The following RBM47 variants were observed in gnomAD, a reference collection of about 807,000 sequenced individuals.
RBM47 encodes RNA binding motif protein 47, also known as RNA-binding protein 47.
RBM47 carries 21 observed loss-of-function variants against 47.1 expected under a neutral mutation model. The ratio of observed to expected loss-of-function variants is 0.45; its 90% CI spans 0.32 to 0.64. The LOEUF is 0.64. Among genes scored for constraint, RBM47 ranks in the 30% least tolerant of loss-of-function variants. RBM47 has a pLI of 0.05. For missense variants in RBM47, 708 were observed against 870.9 expected, an observed-to-expected ratio of 0.81 and a Z score of 2.35; for synonymous variants, 375 against 361.7, an observed-to-expected ratio of 1.04 and a Z score of -0.42.
intron 1 of RBM47, among the ~76,000 whole-genome samples, chr4:40,602,173 C>A (rs1314310567): frequency 1.3e-5 from 2 of 149,380 alleles, no homozygotes; most frequent in South Asian, 4.2e-4. Context: ...AAGACTCCAT[C>A]GAGAAAAAGA....
At chr4:40,460,007 C>T (rs1209032578) in intron 3 of RBM47, among the ~76,000 whole-genome samples, 3 of 152,140 alleles carry the variant, frequency 2.0e-5, no homozygotes, top group Non-Finnish European at 4.4e-5. Context: ...CCACCCGCCT[C>T]GGCCTCTCAA....
intron 3 of RBM47, among the ~76,000 whole-genome samples, chr4:40,446,145 C>T (rs1395263866): frequency 3.3e-5 from 5 of 152,120 alleles, no homozygotes; most frequent in Admixed American, 3.3e-4. Flanking sequence ...CTGTATTAAC[C>T]AATGTTTACT....
chr4:40,463,498 T>C (rs779515300), intron 3 of RBM47, among the ~76,000 whole-genome samples: 4 of 152,088 alleles, frequency 2.6e-5, no homozygotes, highest in Non-Finnish European at 4.4e-5. Context: ...TAAACAGAAG[T>C]ACCACATGAG....
chr4:40,583,519 A>T (rs1733196701), intron 1 of RBM47, among the ~76,000 whole-genome samples: 1 of 151,850 alleles, frequency 6.6e-6, no homozygotes, highest in Non-Finnish European at 1.5e-5. Context: ...TGGGCAATGT[A>T]GTGAGACCCT....
intron 6 of RBM47, chr4:40,427,123 G>A (rs1715171740): frequency 1.3e-5 from 2 of 152,184 alleles, no homozygotes; most frequent in South Asian, 4.1e-4. Context: ...TTCTTAAGCT[G>A]TGACCTTAAA....
chr4:40,490,254 T>C (rs774265237), intron 2 of RBM47, among the ~76,000 whole-genome samples: 1 of 151,794 alleles, frequency 6.6e-6, no homozygotes, highest in African/African-American at 2.4e-5. Context: ...ATATGCAACA[T>C]TGTACTTGTT....
chr4:40,576,675 G>A (rs1371791399), intron 1 of RBM47, among the ~76,000 whole-genome samples: 6 of 152,152 alleles, frequency 3.9e-5, no homozygotes, highest in African/African-American at 1.4e-4. Context: ...GGCCTCAAGT[G>A]ATCCTCTTGC....
intron 2 of RBM47, among the ~76,000 whole-genome samples, chr4:40,518,351 AT>A: frequency 6.6e-6 from 1 of 151,200 alleles, no homozygotes. Context: ...TAATTTTGCT[AT>A]TTTTTTAGAG....
chr4:40,486,995 A>G (rs796739775), intron 2 of RBM47, among the ~76,000 whole-genome samples: 19 of 152,342 alleles, frequency 1.2e-4, no homozygotes, highest in African/African-American at 4.3e-4. Context: ...TTTGGATCCT[A>G]AAGTCAAGGC....
At position 40,512,167 on chromosome 4, in the gene RBM47, T is replaced by A. The variant is rs189373795; in HGVS notation, c.-155+32255A>T. Among the ~76,000 whole-genome samples, 18 of 152,162 alleles carry A rather than the reference T, an allele frequency of 1.2e-4. No individual in the cohort carries two copies. The East Asian group carries it at 3.3e-3, about 28-fold the overall frequency. ...CAGGCGCGGTGGCTCACACCTCTAA[T>A]CCCAACACTTTGGGAGGCCAAGGCA... On this transcript the variant is annotated intron_variant, in intron 2 of 6. Transcript: ENST00000295971.
At chr4:40,459,727 TG>T (rs1399565391) in intron 3 of RBM47, among the ~76,000 whole-genome samples, 1 of 152,164 alleles carries the variant, frequency 6.6e-6, no homozygotes, top group East Asian at 1.9e-4. Flanking sequence ...GTACAGGAGT[TG>T]GCATTTCTTT....
At chr4:40,523,372 C>T (rs1047261583) in intron 2 of RBM47, among the ~76,000 whole-genome samples, 10 of 150,208 alleles carry the variant, frequency 6.7e-5, no homozygotes, top group African/African-American at 2.4e-4. Flanking sequence ...CATGGTAGGC[C>T]GGGCGTGGTG....
intron 6 of RBM47, among the ~76,000 whole-genome samples, chr4:40,430,879 G>A (rs1258905741): frequency 6.6e-6 from 1 of 152,120 alleles, no homozygotes; most frequent in Admixed American, 6.5e-5. Flanking sequence ...TTGAGCCCAG[G>A]AGTTCAATAC....
At chr4:40,449,188 A>G (rs1217123759) in intron 3 of RBM47, among the ~76,000 whole-genome samples, 1 of 152,214 alleles carries the variant, frequency 6.6e-6, no homozygotes, top group Non-Finnish European at 1.5e-5. Context: ...CAATAAGCCG[A>G]AGACTTTGAA....
intron 1 of RBM47, among the ~76,000 whole-genome samples, chr4:40,617,662 T>C (rs911452004): frequency 1.3e-5 from 2 of 151,120 alleles, no homozygotes; most frequent in African/African-American, 4.8e-5. Flanking sequence ...ACATGTACTT[T>C]ATATTTATAC....
At chr4:40,586,105 G>A (rs982341496) in intron 1 of RBM47, among the ~76,000 whole-genome samples, 3 of 152,216 alleles carry the variant, frequency 2.0e-5, no homozygotes, top group Non-Finnish European at 4.4e-5. Context: ...TACACTTCTT[G>A]CAGAATTAAC....
At chr4:40,569,478 C>T (rs1577978645) in intron 1 of RBM47, among the ~76,000 whole-genome samples, 1 of 150,436 alleles carries the variant, frequency 6.6e-6, no homozygotes, top group African/African-American at 2.4e-5. Flanking sequence ...GGTGCGATCT[C>T]AGTTCACTGC....
chr4:40,436,366 C>G, intron 5 of RBM47, 75 bp downstream of exon 5: 1 of 1,434,106 alleles, frequency 7.0e-7, no homozygotes, highest in Non-Finnish European at 9.6e-7. Flanking sequence ...GCCTGAAAAA[C>G]GCTTGGATTC....
intron 3 of RBM47, among the ~76,000 whole-genome samples, chr4:40,444,606 G>A (rs547052754): frequency 5.3e-5 from 8 of 151,724 alleles, no homozygotes; most frequent in South Asian, 2.1e-4. Flanking sequence ...TGCTTGCTAC[G>A]TATAATAGTT....
Sources: gnomAD v4.1 joint callset for allele counts (sites outside exome capture counted in the v4.1 genomes callset) on GRCh38, gnomAD v4.1.1 for gene constraint, MANE v1.5 for transcripts, NCBI Gene and HGNC (gene_info 2026-07-23, HGNC 2026-07-21) for gene names.